DSCAML1: variants seen among roughly 807,000 people sequenced by gnomAD.
DSCAML1 encodes DS cell adhesion molecule like 1, also known as cell adhesion molecule DSCAML1.
DSCAML1 carries 38 observed loss-of-function variants against 200.5 expected under a neutral mutation model. That is an observed-to-expected ratio of 0.19 (90% CI 0.15 to 0.25). DSCAML1 has a LOEUF of 0.25. Among genes scored for constraint, DSCAML1 ranks in the 10% least tolerant of loss-of-function variants. DSCAML1 has a pLI of 1.00. For synonymous variants in DSCAML1, 1,215 were observed against 1,165.0 expected (o/e 1.04, Z -0.87); for missense variants, 2,223 against 2,858.8 (o/e 0.78, Z 5.07).
At chr11:117,700,425 C>T (rs2053647204) in intron 3 of DSCAML1, among the ~76,000 whole-genome samples, 1 of 152,196 alleles carries the variant, frequency 6.6e-6, no homozygotes, top group South Asian at 2.1e-4. Context: ...ACCCAGAGTC[C>T]CTGGGAAACG....
chr11:117,521,762 C>CG (rs34512794), intron 5 of DSCAML1, among the ~76,000 whole-genome samples: 3,915 of 151,784 alleles, frequency 0.026, 58 homozygotes, highest in South Asian at 0.037. Flanking sequence ...CCTCAGAAAC[C>CG]GGGGGGGGCA....
At chr11:117,544,191 G>A (rs923305809) in intron 3 of DSCAML1, among the ~76,000 whole-genome samples, 4 of 152,076 alleles carry the variant, frequency 2.6e-5, no homozygotes, top group Non-Finnish European at 5.9e-5. Flanking sequence ...AGGATGCCAG[G>A]GCCTCGAAGT....
chr11:117,664,352 T>C lies in DSCAML1; in HGVS notation c.511+112439A>G, dbSNP rs1469653603. Among the ~76,000 whole-genome samples the C allele has an allele frequency of 3.9e-5, 6 of 152,224 alleles. No homozygotes were observed. In the East Asian group the frequency reaches 9.6e-4, roughly 24 times the overall value. On this transcript the variant is annotated intron_variant, in intron 3 of 32. Transcript: ENST00000651296. ...TTATTCAACAATTTATATGAATAAG[T>C]ACATTTATGAATTGCAGTGGGATAG... is the stretch of plus-strand genomic sequence containing the variant.
intron 3 of DSCAML1, among the ~76,000 whole-genome samples, chr11:117,589,540 G>A (rs953842323): frequency 5.3e-5 from 8 of 152,168 alleles, no homozygotes; most frequent in East Asian, 1.9e-4. Context: ...AGCTCTCTGC[G>A]TCTTCGTATG....
At chr11:117,807,731 A>G (rs973718695) in intron 1 of DSCAML1, among the ~76,000 whole-genome samples, 1 of 152,216 alleles carries the variant, frequency 6.6e-6, no homozygotes, top group Non-Finnish European at 1.5e-5. Flanking sequence ...CATGGAGATT[A>G]TCTTTCAATA....
chr11:117,758,296 T>C (rs12276600), intron 3 of DSCAML1, among the ~76,000 whole-genome samples: 7,822 of 144,648 alleles, frequency 0.054, 260 homozygotes, highest in Non-Finnish European at 0.069. Context: ...TGAGACTCCA[T>C]CTCAAAAAAA....
chr11:117,590,481 C>T (rs570288661), intron 3 of DSCAML1, among the ~76,000 whole-genome samples: 1 of 152,296 alleles, frequency 6.6e-6, no homozygotes. Flanking sequence ...AGCAGCCAGA[C>T]ACCTGTAAGT....
At chr11:117,579,700 A>G (rs757317180) in intron 3 of DSCAML1, among the ~76,000 whole-genome samples, 31 of 152,254 alleles carry the variant, frequency 2.0e-4, no homozygotes, top group Non-Finnish European at 4.3e-4. Flanking sequence ...CCTCTAGAAT[A>G]TAAAATCTAT....
intron 8 of DSCAML1, among the ~76,000 whole-genome samples, chr11:117,515,796 T>G (rs1430112366): frequency 6.6e-6 from 1 of 151,940 alleles, no homozygotes; most frequent in Non-Finnish European, 1.5e-5. Flanking sequence ...AATTTTTGAA[T>G]TTTTAGTAGA....
At chr11:117,547,481 ACACCC>A in intron 3 of DSCAML1, among the ~76,000 whole-genome samples, 1 of 87,596 alleles carries the variant, frequency 1.1e-5, no homozygotes, top group East Asian at 2.1e-4. Context: ...GGACCGCCCT[ACACCC>A]TACACCGCCA....
chr11:117,461,691 C>A, intron 17 of DSCAML1, 95 bp from the exon 18 acceptor site: 1 of 1,264,148 alleles, frequency 7.9e-7, no homozygotes, highest in Non-Finnish European at 1.1e-6. Context: ...CGCAGTCCAA[C>A]CAGAGGAGCG....
intron 3 of DSCAML1, among the ~76,000 whole-genome samples, chr11:117,744,750 AGCAT>A (rs1307458649): frequency 6.6e-6 from 1 of 152,260 alleles, no homozygotes; most frequent in African/African-American, 2.4e-5. Flanking sequence ...CTCTCCATCC[AGCAT>A]GCCTGGCTTT....
At position 117,489,768 on chromosome 11, in the gene DSCAML1, A is replaced by G. The variant is rs2049149751; in HGVS notation, c.2360-7606T>C. Among the ~76,000 whole-genome samples, 1 of 152,118 alleles carries G rather than the reference A, an allele frequency of 6.6e-6. No individual in the cohort carries two copies. Among genetic ancestry groups the G allele is most frequent in the Non-Finnish European group, 1.5e-5 (1 of 67,996 alleles). ...CCAGGGCTCTTCCCTGACACCCCAC[A>G]TTGCATGCAGGCCTCTCCTGCGGGG... is the stretch of plus-strand genomic sequence containing the variant. On this transcript the variant is annotated intron_variant, in intron 11 of 32. Transcript: ENST00000651296. The surrounding 1 kb of genome is among the most constrained non-coding windows in gnomAD (Gnocchi z 4.8).
chr11:117,744,456 C>G (rs869006), intron 3 of DSCAML1, among the ~76,000 whole-genome samples: 1 of 152,232 alleles, frequency 6.6e-6, no homozygotes, highest in Non-Finnish European at 1.5e-5. Flanking sequence ...CTCATGGATA[C>G]GCATCAGTCT....
chr11:117,687,426 A>ATTTTTTTTTTTTTTTTTTT (rs71037492), intron 3 of DSCAML1, among the ~76,000 whole-genome samples: 8 of 97,646 alleles, frequency 8.2e-5, no homozygotes, highest in Middle Eastern at 6.5e-3. Context: ...ATGCCTGGCT[A>ATTTTTTTTTTTTTTTTTTT]TTTTTTTTTT....
intron 3 of DSCAML1, among the ~76,000 whole-genome samples, chr11:117,583,324 C>T (rs1291676123): frequency 3.3e-5 from 5 of 152,178 alleles, no homozygotes; most frequent in African/African-American, 9.7e-5. Flanking sequence ...TTAAACATGG[C>T]TTGTACCCCT....
chr11:117,490,285 A>C (rs1419683711), intron 11 of DSCAML1, among the ~76,000 whole-genome samples: 3 of 152,114 alleles, frequency 2.0e-5, no homozygotes, highest in Non-Finnish European at 4.4e-5. Flanking sequence ...GGCTCCTGTC[A>C]CCCCTGAGGT....
At chr11:117,661,510 G>A (rs1030522504) in intron 3 of DSCAML1, among the ~76,000 whole-genome samples, 9 of 152,300 alleles carry the variant, frequency 5.9e-5, no homozygotes, top group South Asian at 2.1e-4. Context: ...TTGCAAGGTC[G>A]TAACTAGAGG....
intron 3 of DSCAML1, among the ~76,000 whole-genome samples, chr11:117,740,970 C>G (rs906953432): frequency 6.6e-6 from 1 of 152,234 alleles, no homozygotes; most frequent in East Asian, 1.9e-4. Context: ...AGATGTCAGG[C>G]AAGCTGGAGG....
Sources: allele counts gnomAD v4.1 joint callset (sites outside exome capture counted in the v4.1 genomes callset), GRCh38; gene constraint gnomAD v4.1.1; non-coding constraint Gnocchi (gnomAD v3.1); transcripts MANE v1.5; gene names NCBI Gene and HGNC (gene_info 2026-07-23, HGNC 2026-07-21).